Variants in SAMMSON observed in about 807,000 individuals in gnomAD.
SAMMSON encodes the protein long intergenic non-protein coding RNA 1212.
At chr3:70,170,448 A>G (rs372760496) in intron 4 of SAMMSON, among the ~76,000 whole-genome samples, 1 of 151,848 alleles carries the variant, frequency 6.6e-6, no homozygotes, top group Admixed American at 6.6e-5. Context: ...TTTAAAATTC[A>G]TTAATTATAC....
At chr3:70,189,905 G>C (rs1033157614) in intron 4 of SAMMSON, among the ~76,000 whole-genome samples, 35 of 152,194 alleles carry the variant, frequency 2.3e-4, no homozygotes, top group Non-Finnish European at 1.0e-4. Flanking sequence ...AAGAGAATGA[G>C]ATGTTTTGGG....
intron 7 of SAMMSON, among the ~76,000 whole-genome samples, chr3:70,317,456 ATAGAG>A (rs979663406): frequency 4.7e-4 from 71 of 152,090 alleles, no homozygotes; most frequent in African/African-American, 1.6e-3. Flanking sequence ...AGACTACAAT[ATAGAG>A]TAAACATAAC....
intron 9 of SAMMSON, among the ~76,000 whole-genome samples, chr3:70,388,468 G>A (rs564889120): frequency 6.6e-6 from 1 of 152,010 alleles, no homozygotes; most frequent in South Asian, 2.1e-4. Context: ...AAGAAAAACT[G>A]TGATAAATGC....
chr3:70,006,346 GAA>G (rs1351889995), intron 1 of SAMMSON, among the ~76,000 whole-genome samples: 6 of 152,168 alleles, frequency 3.9e-5, no homozygotes, highest in African/African-American at 1.4e-4. Flanking sequence ...CACATCATAA[GAA>G]AGAGGAAGGG....
intron 4 of SAMMSON, chr3:70,072,439 T>C (rs904956227): frequency 6.6e-6 from 1 of 151,874 alleles, no homozygotes; most frequent in African/African-American, 2.4e-5. Flanking sequence ...CAACACTTTT[T>C]TTCCCCCGCC....
At chr3:70,391,299 G>A (rs1263413386), downstream of SAMMSON, among the ~76,000 whole-genome samples, 1 of 152,124 alleles carries the variant, frequency 6.6e-6, no homozygotes, top group African/African-American at 2.4e-5. Flanking sequence ...GACTTAAAAG[G>A]CTCAAATGAT....
chr3:70,076,355 G>C (rs1049329681), intron 4 of SAMMSON, among the ~76,000 whole-genome samples: 5 of 152,062 alleles, frequency 3.3e-5, no homozygotes, highest in African/African-American at 7.2e-5. Context: ...GTATAAATTG[G>C]GATGACAAGG....
chr3:70,022,278 TGG>T (rs985834124), intron 3 of SAMMSON, among the ~76,000 whole-genome samples: 1 of 24,294 alleles, frequency 4.1e-5, no homozygotes, highest in African/African-American at 1.6e-4. Context: ...TGTTGCCGGG[TGG>T]GGGGAGGGAG....
At chr3:70,260,895 G>A (rs544691341) in intron 6 of SAMMSON, among the ~76,000 whole-genome samples, 2 of 152,174 alleles carry the variant, frequency 1.3e-5, no homozygotes, top group African/African-American at 4.8e-5. Flanking sequence ...TTCCTGCTGA[G>A]ATCAGGACCA....
At chr3:70,034,221 C>T (rs1297984801) in intron 3 of SAMMSON, among the ~76,000 whole-genome samples, 1 of 152,068 alleles carries the variant, frequency 6.6e-6, no homozygotes, top group Non-Finnish European at 1.5e-5. Flanking sequence ...AAATAATCAC[C>T]TATATTTCCA....
intron 7 of SAMMSON, among the ~76,000 whole-genome samples, chr3:70,340,170 C>T (rs1461218735): frequency 6.8e-6 from 1 of 146,114 alleles, no homozygotes; most frequent in Non-Finnish European, 1.5e-5. Flanking sequence ...CATATTCTCA[C>T]TCATAGGTGG....
At chr3:70,187,308 A>G (rs1027309851) in intron 4 of SAMMSON, among the ~76,000 whole-genome samples, 1 of 152,130 alleles carries the variant, frequency 6.6e-6, no homozygotes, top group Non-Finnish European at 1.5e-5. Flanking sequence ...TTGACCTGTG[A>G]ATACAAACCC....
intron 3 of SAMMSON, among the ~76,000 whole-genome samples, chr3:70,023,903 T>C (rs1243258319): frequency 2.6e-5 from 4 of 152,226 alleles, no homozygotes; most frequent in Non-Finnish European, 5.9e-5. Context: ...TTTCTGTCTC[T>C]GTCCTTCTGT....
chr3:70,257,341 TG>T (rs1439700514), intron 6 of SAMMSON, among the ~76,000 whole-genome samples: 3 of 152,144 alleles, frequency 2.0e-5, no homozygotes, highest in Non-Finnish European at 4.4e-5. Flanking sequence ...TTTTGGATCA[TG>T]GGTTTTAAGG....
intron 7 of SAMMSON, among the ~76,000 whole-genome samples, chr3:70,296,783 C>CA (rs2106698175): frequency 6.6e-6 from 1 of 152,194 alleles, no homozygotes; most frequent in East Asian, 1.9e-4. Flanking sequence ...AGCTTTCTTC[C>CA]AATCTGCTTT....
At chr3:70,139,836 T>C (rs1466730118) in intron 4 of SAMMSON, among the ~76,000 whole-genome samples, 1 of 152,184 alleles carries the variant, frequency 6.6e-6, no homozygotes, top group Non-Finnish European at 1.5e-5. Context: ...TTTGGACTTC[T>C]ATTTAGATGG....
chr3:70,167,748 A>G (rs910572761), intron 4 of SAMMSON, among the ~76,000 whole-genome samples: 3 of 151,926 alleles, frequency 2.0e-5, no homozygotes, highest in Admixed American at 2.0e-4. Flanking sequence ...CACCAATTGC[A>G]TTATGACACC....
chr3:70,371,306 T>C (rs190001295), intron 9 of SAMMSON, among the ~76,000 whole-genome samples: 46 of 152,242 alleles, frequency 3.0e-4, no homozygotes, highest in Non-Finnish European at 2.1e-4. Context: ...GGCTCTTTTT[T>C]GGTTCCATAT....
intron 9 of SAMMSON, among the ~76,000 whole-genome samples, chr3:70,361,061 T>C (rs965344538): frequency 3.9e-5 from 6 of 152,126 alleles, no homozygotes; most frequent in Non-Finnish European, 8.8e-5. Context: ...AAACTCAGCC[T>C]CAGAGGCCCA....
Sources: allele counts gnomAD v4.1 joint callset (sites outside exome capture counted in the v4.1 genomes callset), GRCh38; gene constraint gnomAD v4.1.1; transcripts MANE v1.5; gene names NCBI Gene and HGNC (gene_info 2026-07-23, HGNC 2026-07-21).